PCDHA7: variants seen among roughly 807,000 people sequenced by gnomAD.
PCDHA7 encodes protocadherin alpha-7.
PCDHA7 carries 37 observed loss-of-function variants against 57.2 expected under a neutral mutation model. That is an observed-to-expected ratio of 0.65 (90% CI 0.50 to 0.85). The LOEUF (loss-of-function observed/expected upper bound fraction) is 0.85. Among genes scored for constraint, PCDHA7 ranks in the 40% least tolerant of loss-of-function variants. The pLI, the probability that PCDHA7 is intolerant of heterozygous loss-of-function variation, is 0.00. For missense variants in PCDHA7, 1,188 were observed against 1,241.8 expected, an observed-to-expected ratio of 0.96 and a Z score of 0.65; for synonymous variants, 553 against 558.8, an observed-to-expected ratio of 0.99 and a Z score of 0.15.
intron 1 of PCDHA7, chr5:140,883,112 A>T (rs141106500): frequency 1.9e-6 from 3 of 1,614,156 alleles, no homozygotes; most frequent in Non-Finnish European, 2.5e-6. Context: ...TTACTCATTT[A>T]GAAGGCCTGT....
chr5:140,999,215 C>A (rs1290752092), intron 3 of PCDHA7, among the ~76,000 whole-genome samples: 1 of 152,140 alleles, frequency 6.6e-6, no homozygotes, highest in East Asian at 1.9e-4. Context: ...TCTGGAAGTA[C>A]TACATTTGAG....
intron 1 of PCDHA7, chr5:140,850,704 C>G (rs2041773068): frequency 1.3e-6 from 2 of 1,598,020 alleles, no homozygotes; most frequent in Admixed American, 3.4e-5. Context: ...GCCTGGCAAG[C>G]CGACGCTGGT....
At chr5:140,968,133 A>C in intron 1 of PCDHA7, 6 of 1,614,140 alleles carry the variant, frequency 3.7e-6, no homozygotes, top group Non-Finnish European at 5.1e-6. Context: ...CGTACACTGA[A>C]GGTTGAGATC....
intron 1 of PCDHA7, among the ~76,000 whole-genome samples, chr5:140,958,384 C>G (rs1352428582): frequency 6.6e-6 from 1 of 152,098 alleles, no homozygotes; most frequent in Non-Finnish European, 1.5e-5. Context: ...ATTTTCTTAA[C>G]AGGTCATCAA....
Position 140,917,751 on chromosome 5 carries a change from A to G in PCDHA7, c.2356-61198A>G, listed in dbSNP as rs577892904. On this transcript the variant is annotated intron_variant, in intron 1 of 3. Coordinates refer to ENST00000525929, the MANE Select transcript of PCDHA7 (RefSeq NM_018910.3). ...GTTCTCTAACCTGTCCCATTGGTCT[A>G]TGTGTCTGTTTTTGTATTAGTACCA... is the stretch of plus-strand genomic sequence containing the variant. Among the ~76,000 whole-genome samples the G allele has an allele frequency of 3.7e-4, 56 of 152,178 alleles. 2 individuals are homozygous for G. The highest frequency in any genetic ancestry group is 1.3e-3 in the African/African-American group (55 of 41,522).
intron 1 of PCDHA7, chr5:140,877,451 C>G (rs782361627): frequency 6.2e-7 from 1 of 1,613,790 alleles, no homozygotes; most frequent in East Asian, 2.2e-5. Flanking sequence ...CCCGCGCTGA[C>G]GTCCACGGCC....
rs782131708 is a variant in PCDHA7, at chr5:140,869,055, G to A, written c.2355+32317G>A. The A allele has an allele frequency of 1.9e-6, 3 of 1,547,114 alleles. No homozygotes were observed. In the South Asian group the frequency reaches 3.8e-5, roughly 20 times the overall value. ...TTTTTAACCTGAAACTGAAGAATCTGGTACTGTAAGTGTAAAGAAGCTTAT... is the reference window on the plus strand; with the variant it reads ...TTTTTAACCTGAAACTGAAGAATCTAGTACTGTAAGTGTAAAGAAGCTTAT... On this transcript the variant is annotated intron_variant, in intron 1 of 3. Coordinates refer to ENST00000525929, the MANE Select transcript of PCDHA7 (RefSeq NM_018910.3).
chr5:141,000,389 C>CTATA (rs2097911342), intron 3 of PCDHA7, among the ~76,000 whole-genome samples: 3 of 62,588 alleles, frequency 4.8e-5, no homozygotes, highest in Non-Finnish European at 8.6e-5. Flanking sequence ...CTCTCTCTCT[C>CTATA]TCTCTCTATA....
chr5:140,842,516 T>A (rs530202531), intron 1 of PCDHA7: 1 of 1,613,504 alleles, frequency 6.2e-7, no homozygotes, highest in African/African-American at 1.3e-5. Context: ...CAAGCTGGTG[T>A]CCACCTTCAA....
At chr5:140,842,199 T>G in intron 1 of PCDHA7, 1 of 1,613,772 alleles carries the variant, frequency 6.2e-7, no homozygotes, top group African/African-American at 1.3e-5. Context: ...ATTGACCACT[T>G]TAGCATAGAT....
chr5:140,870,592 C>A (rs202164332), intron 1 of PCDHA7: 2 of 1,613,554 alleles, frequency 1.2e-6, no homozygotes, highest in African/African-American at 1.3e-5. Context: ...GGTGGAGCGG[C>A]GGTTGGGCGA....
At chr5:140,842,245 G>A in intron 1 of PCDHA7, 1 of 1,611,970 alleles carries the variant, frequency 6.2e-7, no homozygotes. Context: ...GGGGTAATTT[G>A]GATTTTGAAC....
chr5:140,878,016 G>A, intron 1 of PCDHA7: 2 of 818,388 alleles, frequency 2.4e-6, no homozygotes, highest in Admixed American at 3.6e-5. Context: ...CATTAATGAA[G>A]GAAATATGTA....
intron 1 of PCDHA7, among the ~76,000 whole-genome samples, chr5:140,910,495 T>C (rs782513326): frequency 1.3e-5 from 2 of 152,176 alleles, no homozygotes; most frequent in Non-Finnish European, 2.9e-5. Flanking sequence ...AGAAGAGCAA[T>C]CACAAAGCTC....
chr5:140,891,712 C>T (rs2063219356), intron 1 of PCDHA7, among the ~76,000 whole-genome samples: 1 of 152,148 alleles, frequency 6.6e-6, no homozygotes, highest in Non-Finnish European at 1.5e-5. Context: ...TTTGTACCCC[C>T]AAATTCATGT....
intron 1 of PCDHA7, chr5:140,968,109 A>G (rs2096220086): frequency 6.2e-7 from 1 of 1,614,046 alleles, no homozygotes; most frequent in African/African-American, 1.3e-5. Context: ...GGAATACCGC[A>G]GCTCACATCC....
chr5:140,870,845 C>T lies in PCDHA7; in HGVS notation c.2355+34107C>T, dbSNP rs782454963. ...GGAGGCGCAGTTAACAAGCTAGTAC[C>T]GCGGTCGGTGGGTGCGGGCCACGTG... On this transcript the variant is annotated intron_variant, in intron 1 of 3. Transcript: ENST00000525929. The T allele has an allele frequency of 5.0e-6, 8 of 1,613,718 alleles. No individual in the cohort carries two copies. The highest frequency in any genetic ancestry group is 6.8e-6 in the Non-Finnish European group (8 of 1,179,896).
chr5:140,987,936 T>C lies in PCDHA7; in HGVS notation c.2503+5373T>C, dbSNP rs80117115. Among the ~76,000 whole-genome samples the C allele has an allele frequency of 7.9e-3, 1,205 of 152,348 alleles. 20 individuals are homozygous for C. Among genetic ancestry groups the C allele is most frequent in the African/African-American group, 0.027 (1,136 of 41,570 alleles). On this transcript the variant is annotated intron_variant, in intron 3 of 3. Coordinates refer to ENST00000525929, the MANE Select transcript of PCDHA7 (RefSeq NM_018910.3). ...TATTCTTAATTGTCTCAAGGATTCT[T>C]ACCTGTCTGACAAAACCAACTCCCC...
intron 1 of PCDHA7, chr5:140,843,313 G>C (rs1554139942): frequency 8.8e-6 from 14 of 1,596,074 alleles, no homozygotes; most frequent in Non-Finnish European, 1.1e-5. Flanking sequence ...CCACGGCCAC[G>C]GTTCTGGTGT....
Sources: gnomAD v4.1 joint callset for allele counts (sites outside exome capture counted in the v4.1 genomes callset) on GRCh38, gnomAD v4.1.1 for gene constraint, MANE v1.5 for transcripts, NCBI Gene and HGNC (gene_info 2026-07-23, HGNC 2026-07-21) for gene names.